The following CDH23 variants were observed in gnomAD, a reference collection of about 807,000 sequenced individuals.
The protein encoded by CDH23 is cadherin-23.
In CDH23, 189 loss-of-function variants were observed where a neutral mutation model predicts 317.1. That is an observed-to-expected ratio of 0.60 (90% CI 0.53 to 0.67). CDH23 has a LOEUF of 0.67. Among genes scored for constraint, CDH23 ranks in the 30% least tolerant of loss-of-function variants. The probability of loss-of-function intolerance (pLI) is 0.00; values close to 1 mark genes in which losing one functional copy is unlikely to be tolerated. For synonymous variants in CDH23, 1,839 were observed against 1,876.8 expected (o/e 0.98, Z 0.52); for missense variants, 4,401 against 4,592.4 (o/e 0.96, Z 1.20).
In CDH23 at chr10:71,705,098, C is replaced by T. The variant is rs1218156079; in HGVS notation, c.2921C>T (p.Thr974Ile). The T allele has an allele frequency of 6.2e-7, 1 of 1,611,650 alleles. No individual in the cohort carries two copies. The highest frequency in any genetic ancestry group is 8.5e-7 in the Non-Finnish European group (1 of 1,179,404). Reference protein sequence around the residue: ...RVVASDAGTPTKSSTSTLTIH... With the variant: ...RVVASDAGTPIKSSTSTLTIH... ...GTGGCCAGTGATGCAGGCACGCCCA[C>T]CAAGAGCTCCACCAGCACGCTCACC... is the stretch of plus-strand genomic sequence containing the variant. The change falls in exon 25 of 70, where the codon ACC (threonine) becomes ATC (isoleucine). Residue 974 changes from threonine (T) to isoleucine (I), a missense_variant. Physicochemically the swap from Thr to Ile is moderately conservative, Grantham distance 89 (BLOSUM62 -1). Transcript: ENST00000224721.
At chr10:71,523,275 A>G (rs1854805906) in intron 6 of CDH23, among the ~76,000 whole-genome samples, 1 of 152,188 alleles carries the variant, frequency 6.6e-6, no homozygotes, top group Non-Finnish European at 1.5e-5. Flanking sequence ...TAGCGGCTAG[A>G]ACTGATTGTT....
In CDH23 at chr10:71,525,233, C is replaced by T. The variant is rs193084546; in HGVS notation, c.429+14021C>T. On this transcript the variant is annotated intron_variant, in intron 6 of 69. Transcript: ENST00000224721. ...ACACCTGGATTTTAGCCCCCTGAGGCCCATGTTGGACTTCTGACCTTTAGA... is the reference window on the plus strand; with the variant it reads ...ACACCTGGATTTTAGCCCCCTGAGGTCCATGTTGGACTTCTGACCTTTAGA... Among the ~76,000 whole-genome samples, 417 of 152,374 alleles carry T rather than the reference C, an allele frequency of 2.7e-3. 2 individuals carry two copies. Among genetic ancestry groups the T allele is most frequent in the African/African-American group, 9.4e-3 (393 of 41,598 alleles).
intron 3 of CDH23, among the ~76,000 whole-genome samples, chr10:71,471,931 A>G (rs912473238): frequency 6.6e-5 from 10 of 152,156 alleles, no homozygotes; most frequent in African/African-American, 1.9e-4. Flanking sequence ...ATTTCCCCCA[A>G]TAGGTGGTAA....
chr10:71,779,448 G>T lies in CDH23; in HGVS notation c.5368+1G>T. 3.8e-6 allele frequency: 6 copies of T among 1,598,828 alleles called. No individual in the cohort carries two copies. Among genetic ancestry groups the T allele is most frequent in the Non-Finnish European group, 5.1e-6 (6 of 1,168,120 alleles). ...AGCATCATGGATGGAGACCCTCTGG[G>T]TGAGTGGGGCTTGGGGCATGCCACC... On this transcript the variant is annotated splice_donor_variant, in intron 41 of 69. Coordinates refer to ENST00000224721, the MANE Select transcript of CDH23 (RefSeq NM_022124.6). LOFTEE classifies it high-confidence loss of function.
At chr10:71,532,711 G>GTTTTTTTTTGTTT (rs1855452212) in intron 6 of CDH23, among the ~76,000 whole-genome samples, 1 of 128,100 alleles carries the variant, frequency 7.8e-6, no homozygotes, top group African/African-American at 2.9e-5. Context: ...TTTTGTTTTT[G>GTTTTTTTTTGTTT]TTTTTTTTTT....
rs745341476 is a variant in CDH23, at chr10:71,702,230, C to T, written c.2587+19C>T. 3.7e-5 allele frequency: 59 copies of T among 1,608,570 alleles called. No homozygotes were observed. The highest frequency in any genetic ancestry group is 4.0e-5 in the Non-Finnish European group (47 of 1,176,424). On this transcript the variant is annotated intron_variant, in intron 23 of 69. Transcript: ENST00000224721. ...ACTGACTGTATGGACCCCTCTCGCC[C>T]CTCACGGCCCCCACACCTTAGGCTG...
intron 47 of CDH23, among the ~76,000 whole-genome samples, chr10:71,791,989 A>C (rs1841263381): frequency 6.6e-6 from 1 of 152,192 alleles, no homozygotes; most frequent in Non-Finnish European, 1.5e-5. Context: ...CTTCTGGAAG[A>C]ATAAGAAAAT....
In CDH23 at chr10:71,529,726, T is replaced by C. The variant is rs570281521; in HGVS notation, c.429+18514T>C. Among the ~76,000 whole-genome samples, 19 of 152,134 alleles carry C rather than the reference T, an allele frequency of 1.2e-4. No individual in the cohort carries two copies. The South Asian group carries it at 3.3e-3, about 27-fold the overall frequency. On this transcript the variant is annotated intron_variant, in intron 6 of 69. Transcript: ENST00000224721. ...TCATACTTTAAGACTGTCTCTCCCT[T>C]ACTCGCCCCCAGCTCCACCTGGCTG...
chr10:71,646,646 T>G, intron 14 of CDH23, 29 bp downstream of exon 14: 1 of 1,613,990 alleles, frequency 6.2e-7, no homozygotes, highest in Non-Finnish European at 8.5e-7. Flanking sequence ...GCAGGGCCAC[T>G]GAGCTCTCCA....
intron 24 of CDH23, among the ~76,000 whole-genome samples, chr10:71,702,979 A>G (rs1449301032): frequency 6.6e-6 from 1 of 152,210 alleles, no homozygotes; most frequent in African/African-American, 2.4e-5. Flanking sequence ...TGGACCTTCC[A>G]TTCCCTAAGC....
At chr10:71,533,784 G>A (rs947181517) in intron 6 of CDH23, among the ~76,000 whole-genome samples, 5 of 152,046 alleles carry the variant, frequency 3.3e-5, no homozygotes, top group East Asian at 1.9e-4. Context: ...CTGCAGAGAC[G>A]GTAGATGGGG....
intron 3 of CDH23, among the ~76,000 whole-genome samples, chr10:71,452,881 GC>G (rs1348080716): frequency 6.6e-6 from 1 of 152,156 alleles, no homozygotes; most frequent in Non-Finnish European, 1.5e-5. Context: ...TGGAGAGATG[GC>G]ATGATCTGCA....
chr10:71,516,994 G>C (rs1237622818), intron 6 of CDH23, among the ~76,000 whole-genome samples: 2 of 152,170 alleles, frequency 1.3e-5, no homozygotes, highest in Non-Finnish European at 2.9e-5. Context: ...GACTGAGCTT[G>C]GTCATCTGTG....
chr10:71,734,046 G>A (rs1464447370), intron 32 of CDH23, among the ~76,000 whole-genome samples, 194 bp from the exon 33 acceptor site: 1 of 152,246 alleles, frequency 6.6e-6, no homozygotes, highest in Admixed American at 6.5e-5. Flanking sequence ...CCTGGCTGGG[G>A]AAGCAGGAAG....
chr10:71,812,991 C>A, intron 68 of CDH23, 101 bp downstream of exon 68: 1 of 1,532,550 alleles, frequency 6.5e-7, no homozygotes, highest in Non-Finnish European at 8.8e-7. Flanking sequence ...CAGCTAGACC[C>A]ACCCTCCACT....
chr10:71,779,693 C>T (rs577328924), intron 41 of CDH23, among the ~76,000 whole-genome samples: 2 of 152,314 alleles, frequency 1.3e-5, no homozygotes, highest in South Asian at 2.1e-4. Context: ...GACACAGACT[C>T]CTTTAAGAAC....
intron 28 of CDH23, among the ~76,000 whole-genome samples, chr10:71,718,138 A>G (rs1339523405): frequency 1.3e-5 from 2 of 152,296 alleles, no homozygotes; most frequent in East Asian, 1.9e-4. Context: ...TGCAGCTTAG[A>G]TAACAGTTGA....
intron 3 of CDH23, among the ~76,000 whole-genome samples, chr10:71,489,665 G>C (rs1246586923): frequency 6.6e-6 from 1 of 150,762 alleles, no homozygotes; most frequent in East Asian, 1.9e-4. Flanking sequence ...TCATTTGGTT[G>C]GTTGAGAGAG....
chr10:71,806,190 T>C lies in CDH23; in HGVS notation c.8087T>C (p.Leu2696Pro). ...TAGCTCATCTTGGTGGCCAGCGACC[T>C]GGGCCAGCCAGTGCCATACGAGACT... ...VYSLILVASD[L>P]GQPVPYETMQ... is the part of the protein sequence containing the mutation. Residue 2696 changes from leucine (L) to proline (P), a missense_variant, in exon 57 of 70, where the codon CTG becomes CCG. This residue lies in a region of CDH23 where 1,144 missense variants were observed against 1,138.2 expected (regional missense o/e 1.01). Coordinates refer to ENST00000224721, the MANE Select transcript of CDH23 (RefSeq NM_022124.6). 1 of 1,567,172 alleles carries C rather than the reference T, an allele frequency of 6.4e-7. No homozygotes were observed.
Sources: gnomAD v4.1 joint callset for allele counts (sites outside exome capture counted in the v4.1 genomes callset) on GRCh38, gnomAD v4.1.1 for gene constraint, gnomAD v4.1.1 regional missense constraint, MANE v1.5 for transcripts, NCBI Gene and HGNC (gene_info 2026-07-23, HGNC 2026-07-21) for gene names.